Variants in PIK3R6 observed in about 807,000 individuals in gnomAD.
PIK3R6 encodes the protein phosphoinositide-3-kinase regulatory subunit 6.
In PIK3R6, 91 loss-of-function variants were observed where a neutral mutation model predicts 84.9. That is an observed-to-expected ratio of 1.07 (90% CI 0.90 to 1.28). The LOEUF (loss-of-function observed/expected upper bound fraction) is 1.28. PIK3R6 is among the 50% of genes most tolerant of loss of function. The probability of loss-of-function intolerance (pLI) is 0.00; values close to 1 mark genes in which losing one functional copy is unlikely to be tolerated. For missense variants in PIK3R6, 996 were observed against 985.1 expected (o/e 1.01, Z -0.15); for synonymous variants, 416 against 411.4 (o/e 1.01, Z -0.13).
At chr17:8,840,412 C>T (rs1381435859) in intron 2 of PIK3R6, among the ~76,000 whole-genome samples, 1 of 136,234 alleles carries the variant, frequency 7.3e-6, no homozygotes, top group Non-Finnish European at 1.5e-5. Context: ...TATATATAGC[C>T]TCCAAATATG....
At chr17:8,830,826 G>A (rs867202444) in intron 9 of PIK3R6, among the ~76,000 whole-genome samples, 3 of 152,136 alleles carry the variant, frequency 2.0e-5, no homozygotes, top group African/African-American at 7.2e-5. Flanking sequence ...GGGGCTTGAC[G>A]GGGGTGCTGC....
rs77682639 is a variant in PIK3R6, at chr17:8,822,806, A to C, written c.1718-149T>G. ...AAAGGTGACACCTCCGGGGGCCAGG[A>C]TGCCTTTCAGTCTTGTGGGGGTTGG... On this transcript the variant is annotated intron_variant, in intron 15 of 19. Coordinates refer to ENST00000619866, the MANE Select transcript of PIK3R6 (RefSeq NM_001010855.4). 3,506 of 998,434 alleles carry C rather than the reference A, an allele frequency of 3.5e-3. 53 individuals carry two copies. The highest frequency in any genetic ancestry group is 0.032 in the African/African-American group (1,960 of 60,652). 61.8% of individuals were successfully genotyped at this position (998,434 alleles called of 1,614,324 possible). A position where few individuals can be genotyped will look rare whatever the true frequency, so the allele number is the denominator to read the frequency against.
chr17:8,829,128 C>T (rs1597399654), intron 10 of PIK3R6, 138 bp from the exon 11 acceptor site: 1 of 808,958 alleles, frequency 1.2e-6, no homozygotes, highest in Non-Finnish European at 1.8e-6. Context: ...TGAACATGCA[C>T]AGAGACTCAC....
chr17:8,864,931 A>G (rs2089372441), intron 1 of PIK3R6, among the ~76,000 whole-genome samples: 1 of 152,164 alleles, frequency 6.6e-6, no homozygotes, highest in Non-Finnish European at 1.5e-5. Flanking sequence ...TAAACACAGA[A>G]CATCAGCACT....
intron 1 of PIK3R6, among the ~76,000 whole-genome samples, chr17:8,852,452 G>A (rs943584884): frequency 6.6e-6 from 1 of 152,248 alleles, no homozygotes; most frequent in Middle Eastern, 3.4e-3. Context: ...TAAAATGAGA[G>A]TGGCAGGCCA....
At chr17:8,830,905 A>G (rs2088209305) in intron 9 of PIK3R6, among the ~76,000 whole-genome samples, 1 of 151,928 alleles carries the variant, frequency 6.6e-6, no homozygotes, top group Non-Finnish European at 1.5e-5. Flanking sequence ...GCACTTTGGG[A>G]CGCCGAGGAG....
intron 18 of PIK3R6, among the ~76,000 whole-genome samples, chr17:8,808,002 G>T (rs900429282): frequency 1.2e-4 from 19 of 152,010 alleles, no homozygotes; most frequent in African/African-American, 4.4e-4. Flanking sequence ...AGGCAAACAG[G>T]GACAGTTGGC....
Position 8,849,880 on chromosome 17 carries a change from G to C in PIK3R6, c.-86C>G. The C allele has an allele frequency of 6.5e-7, 1 of 1,534,744 alleles. No homozygotes were observed. Among genetic ancestry groups the C allele is most frequent in the Non-Finnish European group, 8.8e-7 (1 of 1,131,674 alleles). ...AAGGTGGTTGCTTTTCTGCACAGAG[G>C]TGGTTCTGCAAAATAAGAGGTAGTT... On this transcript the variant is annotated 5_prime_UTR_variant, in exon 2 of 20. Coordinates refer to ENST00000619866, the MANE Select transcript of PIK3R6 (RefSeq NM_001010855.4).
chr17:8,848,388 C>A (rs564907384), intron 2 of PIK3R6, among the ~76,000 whole-genome samples: 7 of 152,098 alleles, frequency 4.6e-5, no homozygotes, highest in Non-Finnish European at 8.8e-5. Flanking sequence ...TTAACTACGG[C>A]GATATGTTCC....
At chr17:8,819,937 A>ATT in intron 17 of PIK3R6, among the ~76,000 whole-genome samples, 1 of 86,228 alleles carries the variant, frequency 1.2e-5, no homozygotes, top group African/African-American at 4.7e-5. Flanking sequence ...ATATATATAT[A>ATT]TTTTTATATA....
At chr17:8,857,056 C>A in intron 1 of PIK3R6, among the ~76,000 whole-genome samples, 1 of 110,110 alleles carries the variant, frequency 9.1e-6, no homozygotes, top group Admixed American at 9.0e-5. Context: ...GTCACTGCCT[C>A]AGAGGCCTTT....
chr17:8,861,724 G>C (rs548015622), intron 1 of PIK3R6, among the ~76,000 whole-genome samples: 6 of 152,312 alleles, frequency 3.9e-5, no homozygotes, highest in Non-Finnish European at 7.3e-5. Context: ...GCCCCAAGTT[G>C]CAAGAGAAGT....
intron 1 of PIK3R6, among the ~76,000 whole-genome samples, chr17:8,855,011 A>T (rs1229330636): frequency 6.6e-6 from 1 of 152,116 alleles, no homozygotes; most frequent in African/African-American, 2.4e-5. Context: ...TGGCCAATAT[A>T]GTGAAACCCC....
Position 8,803,309 on chromosome 17 carries a change from C to T in PIK3R6, c.2229G>A (p.Leu743=). Residue 743 remains leucine, a synonymous_variant, in exon 20 of 20, where the codon CTG becomes CTA. Transcript: ENST00000619866. This position sits in a 1 kb window ranked among gnomAD's most constrained non-coding sequence, Gnocchi z 5.0. The part of the protein sequence containing the change: ...EAIKAKPKPL[L]MPINTFSGIV... ...TACCAGAGAATGTGTTGATGGGCATCAGAAGGGGCTTGGGCTTGGCTTTGA... is the reference window on the plus strand; with the variant it reads ...TACCAGAGAATGTGTTGATGGGCATTAGAAGGGGCTTGGGCTTGGCTTTGA... 2.5e-6 allele frequency: 4 copies of T among 1,612,946 alleles called. No homozygotes were observed. Among genetic ancestry groups the T allele is most frequent in the Non-Finnish European group, 3.4e-6 (4 of 1,179,786 alleles).
chr17:8,854,399 G>A (rs1362460257), intron 1 of PIK3R6, among the ~76,000 whole-genome samples: 5 of 152,042 alleles, frequency 3.3e-5, no homozygotes, highest in Non-Finnish European at 7.4e-5. Context: ...CTCCCGCCTC[G>A]GTCTCCCAAA....
At position 8,836,856 on chromosome 17, in the gene PIK3R6, G is replaced by A. The variant is rs1447379506; in HGVS notation, c.326C>T (p.Pro109Leu). 6.3e-7 allele frequency: 1 copy of A among 1,580,914 alleles called. No individual in the cohort carries two copies. The highest frequency in any genetic ancestry group is 1.2e-5 in the South Asian group (1 of 86,426). The change falls in exon 6 of 20, where the codon CCC becomes CTC. Residue 109 changes from proline to leucine, a missense_variant. Transcript: ENST00000619866. The stretch of plus-strand genomic sequence containing the variant: ...CAAGGCGACTGTGCAGTAGGGGGTG[G>A]GCAGGGTCAGTAACCTTGTGCAAAA... Reference protein sequence around the residue: ...YAFCTRLLTLPTPYCTVALDC... With the variant: ...YAFCTRLLTLLTPYCTVALDC...
chr17:8,843,622 G>T (rs986719414), intron 2 of PIK3R6, among the ~76,000 whole-genome samples: 17 of 151,794 alleles, frequency 1.1e-4, no homozygotes, highest in African/African-American at 4.1e-4. Context: ...TTTTGTTTGG[G>T]CTTGTATAGT....
At position 8,804,135 on chromosome 17, in the gene PIK3R6, T is replaced by C. The variant is rs750765081; in HGVS notation, c.2014A>G (p.Arg672Gly). The C allele has an allele frequency of 1.9e-6, 3 of 1,613,966 alleles. No individual in the cohort carries two copies. Among genetic ancestry groups the C allele is most frequent in the Non-Finnish European group, 2.5e-6 (3 of 1,179,812 alleles). The change falls in exon 19 of 20, where the codon AGG becomes GGG. Residue 672 changes from arginine (R) to glycine (G), a missense_variant. Coordinates refer to ENST00000619866, the MANE Select transcript of PIK3R6 (RefSeq NM_001010855.4). Reference sequence around the variant, plus strand: ...CTCTGGATCTGGATATTGTTCGTCCTGAAGGTGTTGGTCACTGTCTGCAGC... The same window carrying C: ...CTCTGGATCTGGATATTGTTCGTCCCGAAGGTGTTGGTCACTGTCTGCAGC... ...KSFSTVTNTF[R>G]TNNIQIQSRD... is the part of the protein sequence containing the mutation.
At chr17:8,805,422 C>T (rs1199767526) in intron 18 of PIK3R6, among the ~76,000 whole-genome samples, 1 of 152,098 alleles carries the variant, frequency 6.6e-6, no homozygotes, top group African/African-American at 2.4e-5. Context: ...GGGGAACCTA[C>T]TGTGGGTTCT....
Sources: allele counts gnomAD v4.1 joint callset (sites outside exome capture counted in the v4.1 genomes callset), GRCh38; gene constraint gnomAD v4.1.1; non-coding constraint Gnocchi (gnomAD v3.1); transcripts MANE v1.5; gene names NCBI Gene and HGNC (gene_info 2026-07-23, HGNC 2026-07-21).